LAMA3: variants seen among roughly 807,000 people sequenced by gnomAD.
LAMA3 encodes laminin subunit alpha 3, also known as laminin subunit alpha-3.
LAMA3 carries 281 observed loss-of-function variants against 402.0 expected under a neutral mutation model. That is an observed-to-expected ratio of 0.70 (90% CI 0.63 to 0.77). LAMA3 has a LOEUF of 0.77. Ranked by LOEUF, LAMA3 falls within the 30% of genes least tolerant of loss-of-function variation. The pLI, the probability that LAMA3 is intolerant of heterozygous loss-of-function variation, is 0.00. For synonymous variants in LAMA3, 1,431 were observed against 1,558.4 expected (o/e 0.92, Z 1.93); for missense variants, 3,840 against 4,215.5 (o/e 0.91, Z 2.47).
intron 38 of LAMA3, among the ~76,000 whole-genome samples, chr18:23,875,646 C>G (rs554135129): frequency 6.6e-6 from 1 of 152,244 alleles, no homozygotes; most frequent in South Asian, 2.1e-4. Flanking sequence ...GTTAAGACTC[C>G]TATTCCCCAC....
At chr18:23,708,265 C>G (rs753908667) in intron 1 of LAMA3, among the ~76,000 whole-genome samples, 12 of 152,154 alleles carry the variant, frequency 7.9e-5, no homozygotes, top group Non-Finnish European at 1.8e-4. Context: ...TCCTTAATTA[C>G]AATAGCTTCA....
At chr18:23,726,307 C>A (rs969193020) in intron 2 of LAMA3, among the ~76,000 whole-genome samples, 5 of 152,236 alleles carry the variant, frequency 3.3e-5, no homozygotes, top group Admixed American at 3.3e-4. Flanking sequence ...AGGGCAAGAG[C>A]GCCCAGCCAG....
rs549689866 is a variant in LAMA3 at position 23,906,481 on chromosome 18, CTG to C, written c.6718+861_6718+862del. 3.0e-4 allele frequency among the ~76,000 whole-genome samples: 46 copies of C among 152,150 alleles called. No homozygotes were observed. In the East Asian group the frequency reaches 8.3e-3, roughly 27 times the overall value. On this transcript the variant is annotated intron_variant, in intron 52 of 74. Transcript: ENST00000313654. ...AAACTCTCTCAATCTCACCAAATTT[CTG>C]TGTTTGAAAAATGCTGTTTCTTGTG...
intron 42 of LAMA3, among the ~76,000 whole-genome samples, chr18:23,892,625 G>A (rs1159506428): frequency 6.6e-6 from 1 of 152,036 alleles, no homozygotes; most frequent in Non-Finnish European, 1.5e-5. Flanking sequence ...GCAAATGGCC[G>A]GGCATGGTGG....
chr18:23,950,006 T>G, intron 71 of LAMA3, 23 bp from the exon 72 acceptor site: 7 of 1,614,178 alleles, frequency 4.3e-6, no homozygotes, highest in Non-Finnish European at 5.1e-6. Context: ...GCTTTAACTT[T>G]TGCTTTGTTT....
intron 18 of LAMA3, among the ~76,000 whole-genome samples, chr18:23,819,547 T>C (rs1235220037): frequency 1.3e-5 from 2 of 152,252 alleles, no homozygotes; most frequent in Admixed American, 6.5e-5. Flanking sequence ...CTTTGCTAAA[T>C]TGTTGGCAAC....
chr18:23,814,340 C>T lies in LAMA3; in HGVS notation c.1789-63C>T, dbSNP rs2063135134. The T allele has an allele frequency of 8.2e-6, 10 of 1,222,772 alleles. No homozygotes were observed. In the East Asian group the frequency reaches 2.1e-4, roughly 26 times the overall value. The allele number at this position is 1,222,772 out of a possible 1,614,324, so 75.7% of individuals were successfully genotyped here. A position where few individuals can be genotyped will look rare whatever the true frequency, so the allele number is the denominator to read the frequency against. ...TTTCTGTGACAAGTCTTTGCTCACG[C>T]ACAGGTTTGAAAACATGTCTTAATT... On this transcript the variant is annotated intron_variant, in intron 14 of 74. Coordinates refer to ENST00000313654, the MANE Select transcript of LAMA3 (RefSeq NM_198129.4).
At chr18:23,867,625 G>A (rs1385487998) in intron 36 of LAMA3, among the ~76,000 whole-genome samples, 1 of 150,892 alleles carries the variant, frequency 6.6e-6, no homozygotes, top group African/African-American at 2.4e-5. Context: ...CAATTTTCCT[G>A]ATTTCCTATT....
intron 19 of LAMA3, 56 bp downstream of exon 19, chr18:23,820,053 A>C: frequency 1.3e-6 from 2 of 1,580,896 alleles, no homozygotes; most frequent in Non-Finnish European, 1.7e-6. Context: ...ACTTCCCCAC[A>C]CCAGTCTCAG....
intron 19 of LAMA3, among the ~76,000 whole-genome samples, 181 bp downstream of exon 19, chr18:23,820,178 A>G (rs538807963): frequency 1.3e-5 from 2 of 152,190 alleles, no homozygotes; most frequent in Non-Finnish European, 2.9e-5. Flanking sequence ...AGGGCTGTAT[A>G]TTAACTGATA....
At chr18:23,708,227 G>A (rs1325310021) in intron 1 of LAMA3, among the ~76,000 whole-genome samples, 6 of 152,100 alleles carry the variant, frequency 3.9e-5, no homozygotes, top group Admixed American at 2.0e-4. Flanking sequence ...TGTTCTGTCC[G>A]ATAGGTCTGT....
intron 56 of LAMA3, among the ~76,000 whole-genome samples, chr18:23,914,051 G>A (rs1346496804): frequency 6.6e-6 from 1 of 152,192 alleles, no homozygotes; most frequent in Non-Finnish European, 1.5e-5. Flanking sequence ...AGTGTTAAGA[G>A]GATGTTGTGT....
chr18:23,812,891 T>A (rs895796035), intron 13 of LAMA3, among the ~76,000 whole-genome samples, 166 bp from the exon 14 acceptor site: 2 of 152,240 alleles, frequency 1.3e-5, no homozygotes, highest in African/African-American at 4.8e-5. Context: ...ATAAATGTCA[T>A]TCAAGATGCC....
intron 18 of LAMA3, among the ~76,000 whole-genome samples, chr18:23,817,341 T>C (rs1249599507): frequency 6.6e-6 from 1 of 152,270 alleles, no homozygotes; most frequent in Non-Finnish European, 1.5e-5. Context: ...CCTTCACTAC[T>C]TGCATTAGTA....
At position 23,814,648 on chromosome 18, in the gene LAMA3, C is replaced by G; in HGVS notation, c.1888+146C>G. The stretch of plus-strand genomic sequence containing the variant: ...GTAATGTTCTGATGTTTTCCCCCCA[C>G]TTTTGACAGAATTTCTGTCACTTTC... On this transcript the variant is annotated intron_variant, in intron 15 of 74. Transcript: ENST00000313654. 1.4e-5 allele frequency: 9 copies of G among 644,492 alleles called. No homozygotes were observed. In the South Asian group the frequency reaches 1.7e-4, roughly 12 times the overall value. The allele number at this position is 644,492 out of a possible 1,614,324, so 39.9% of individuals were successfully genotyped here.
rs777863678 is a variant in LAMA3, at chr18:23,763,496, T to C, written c.1155T>C (p.Ala385=). 8.7e-6 allele frequency: 14 copies of C among 1,611,090 alleles called. No homozygotes were observed. In the South Asian group the frequency reaches 1.5e-4, roughly 18 times the overall value. Residue 385 remains alanine (A), a synonymous_variant, in exon 8 of 75, where the codon GCT becomes GCC. Coordinates refer to ENST00000313654, the MANE Select transcript of LAMA3 (RefSeq NM_198129.4). ...GCTTGAATACCCAGGGCATCTATGC[T>C]GGTGGAGGGGTCTGCATTAACTGTC... The part of the protein sequence containing the change: ...QASLNTQGIY[A]GGGVCINCQH...
At chr18:23,753,935 A>G in intron 6 of LAMA3, 123 bp downstream of exon 6, 1 of 736,824 alleles carries the variant, frequency 1.4e-6, no homozygotes, top group African/African-American at 1.7e-5. Context: ...TTCAGGATCA[A>G]TGAATAGGTG....
At chr18:23,769,425 T>C (rs149082408) in intron 8 of LAMA3, among the ~76,000 whole-genome samples, 10 of 152,318 alleles carry the variant, frequency 6.6e-5, no homozygotes, top group African/African-American at 2.4e-4. Context: ...ATTTATAAAA[T>C]GCATGTAAAT....
chr18:23,847,791 C>A, intron 32 of LAMA3, 123 bp downstream of exon 32: 2 of 947,410 alleles, frequency 2.1e-6, no homozygotes, highest in Admixed American at 2.0e-5. Context: ...TTGACCTCGG[C>A]ATGAGCTTCC....
Sources: allele counts gnomAD v4.1 joint callset (sites outside exome capture counted in the v4.1 genomes callset), GRCh38; gene constraint gnomAD v4.1.1; transcripts MANE v1.5; gene names NCBI Gene and HGNC (gene_info 2026-07-23, HGNC 2026-07-21).